DNAAF11: variants seen among roughly 807,000 people sequenced by gnomAD.
DNAAF11 encodes the protein dynein axonemal assembly factor 11, also known as leucine rich repeat containing 6.
Under a neutral mutation model 60.8 loss-of-function variants are expected in DNAAF11, and 45 were observed. That is an observed-to-expected ratio of 0.74 (90% CI 0.58 to 0.95). DNAAF11 has a LOEUF of 0.95. DNAAF11 is among the 40% of genes least tolerant of loss of function. The pLI, the probability that DNAAF11 is intolerant of heterozygous loss-of-function variation, is 0.00. For missense variants in DNAAF11, 546 were observed against 546.2 expected (o/e 1.00, Z 0.00); for synonymous variants, 191 against 183.5 (o/e 1.04, Z -0.33).
At chr8:132,685,119 A>G in the DNAAF11 span, 1 of 152,246 alleles carries the variant, frequency 6.6e-6, no homozygotes, top group African/African-American at 2.4e-5. Context: ...AAGAAATTAT[A>G]ACAGAAAAAA....
intron 11 of DNAAF11, among the ~76,000 whole-genome samples, chr8:132,575,748 G>A (rs926807463): frequency 6.6e-5 from 10 of 152,216 alleles, no homozygotes; most frequent in Admixed American, 1.3e-4. Context: ...ACTGACAAAA[G>A]GTAAGAAAAC....
chr8:132,585,493 C>A lies in DNAAF11; in HGVS notation c.1141-1714G>T, dbSNP rs539295767. 2.2e-4 allele frequency among the ~76,000 whole-genome samples: 33 copies of A among 152,188 alleles called. No individual in the cohort carries two copies. The South Asian group carries it at 5.8e-3, about 27-fold the overall frequency. The stretch of plus-strand genomic sequence containing the variant: ...AACACTAGACTGGGGGAAAATAATA[C>A]CCTTAATGTCACAAGTGGACGGCAA... On this transcript the variant is annotated intron_variant, in intron 10 of 11. Transcript: ENST00000620350.
the DNAAF11 span, among the ~76,000 whole-genome samples, chr8:132,693,669 C>T: frequency 0.29 from 44,529 of 151,646 alleles, 6,803 homozygotes; most frequent in East Asian, 0.38. Flanking sequence ...TGGGGGAAAG[C>T]AAGCAGAGGA....
chr8:132,644,435 G>A (rs1161064389), intron 3 of DNAAF11, among the ~76,000 whole-genome samples: 1 of 152,126 alleles, frequency 6.6e-6, no homozygotes, highest in South Asian at 2.1e-4. Context: ...CAGAAGACAG[G>A]TGATTTCTGC....
chr8:132,635,554 TG>T (rs1821211898), intron 4 of DNAAF11, among the ~76,000 whole-genome samples: 2 of 152,190 alleles, frequency 1.3e-5, no homozygotes, highest in African/African-American at 4.8e-5. Flanking sequence ...TGAAAAGGGC[TG>T]ACTCTCCTCA....
intron 1 of DNAAF11, among the ~76,000 whole-genome samples, chr8:132,667,610 G>A (rs1381662593): frequency 6.6e-6 from 1 of 152,170 alleles, no homozygotes; most frequent in African/African-American, 2.4e-5. Context: ...GCAGATGGTT[G>A]AGTGCTAACC....
intron 3 of DNAAF11, among the ~76,000 whole-genome samples, chr8:132,644,507 C>T (rs1015422779): frequency 3.3e-5 from 5 of 151,974 alleles, no homozygotes; most frequent in South Asian, 2.1e-4. Flanking sequence ...GTGCAGCTCA[C>T]GGAGGATTAG....
chr8:132,615,834 C>T (rs1357957472), intron 7 of DNAAF11, among the ~76,000 whole-genome samples: 1 of 152,164 alleles, frequency 6.6e-6, no homozygotes, highest in Non-Finnish European at 1.5e-5. Context: ...ATTTCAGTTA[C>T]TGTATTACTC....
rs1233168948 is a variant in DNAAF11, at chr8:132,583,872, C to T, written c.1141-93G>A. ...ATATGTATTTTAAAAGATACTAAAA[C>T]ATTTTAATTTTTTCTCTACATATTC... On this transcript the variant is annotated intron_variant, in intron 10 of 11. Transcript: ENST00000620350. 4.6e-6 allele frequency: 4 copies of T among 862,036 alleles called. No homozygotes were observed. The East Asian group carries it at 1.1e-4, about 23-fold the overall frequency. 53.4% of individuals were successfully genotyped at this position (862,036 alleles called of 1,614,324 possible).
In DNAAF11 at chr8:132,572,428, C is replaced by T. The variant is rs1283409304; in HGVS notation, c.1279G>A (p.Asp427Asn). 2.5e-6 allele frequency: 4 copies of T among 1,612,906 alleles called. No homozygotes were observed. Among genetic ancestry groups the T allele is most frequent in the Non-Finnish European group, 3.4e-6 (4 of 1,179,392 alleles). The change falls in exon 12 of 12, where the codon GAT (aspartate) becomes AAT (asparagine). Residue 427 changes from aspartate to asparagine, a missense_variant. Transcript: ENST00000620350. ...EVDPSKHSFP[D>N]VTNIVQEKKH... ...TTCTCTTGAACTATGTTAGTCACAT[C>T]AGGGAATGAGTGCTTGCTAGGGTCT...
intron 2 of DNAAF11, among the ~76,000 whole-genome samples, chr8:132,659,224 T>A (rs908503417): frequency 5.3e-5 from 8 of 152,182 alleles, no homozygotes; most frequent in African/African-American, 1.9e-4. Context: ...TGTCTTCCCA[T>A]GGGCAACAGG....
At chr8:132,668,642 C>A (rs1229337966) in intron 1 of DNAAF11, among the ~76,000 whole-genome samples, 1 of 151,994 alleles carries the variant, frequency 6.6e-6, no homozygotes, top group Non-Finnish European at 1.5e-5. Flanking sequence ...CGGGGTTTCA[C>A]CGTGTTAGCC....
chr8:132,650,468 G>A (rs943403535), intron 3 of DNAAF11, among the ~76,000 whole-genome samples: 1 of 152,098 alleles, frequency 6.6e-6, no homozygotes, highest in Non-Finnish European at 1.5e-5. Flanking sequence ...GTATACATAT[G>A]TAACAAACCT....
In DNAAF11 at chr8:132,633,021, C is replaced by T. The variant is rs1433029846; in HGVS notation, c.430-58G>A. The T allele has an allele frequency of 2.6e-5, 30 of 1,175,234 alleles. No homozygotes were observed. The East Asian group carries it at 7.2e-4, about 28-fold the overall frequency. The allele number at this position is 1,175,234 out of a possible 1,614,324, so 72.8% of individuals were successfully genotyped here. ...TTCAAAAGTAGCAGTGTGAATCAGC[C>T]CCAGGTTGATTTTGATTAGAAATAA... On this transcript the variant is annotated intron_variant, in intron 4 of 11. Transcript: ENST00000620350.
At chr8:132,597,687 A>C (rs1817165218) in intron 10 of DNAAF11, among the ~76,000 whole-genome samples, 1 of 152,182 alleles carries the variant, frequency 6.6e-6, no homozygotes, top group Admixed American at 6.5e-5. Flanking sequence ...TATAACCTTG[A>C]AGAAAACAAT....
At chr8:132,644,600 C>A (rs1381508845) in intron 3 of DNAAF11, among the ~76,000 whole-genome samples, 1 of 152,082 alleles carries the variant, frequency 6.6e-6, no homozygotes, top group African/African-American at 2.4e-5. Context: ...AAGCCATGAC[C>A]AATGGTACCT....
rs765310271 is a variant in DNAAF11 at position 132,610,189 on chromosome 8, G to A, written c.1117C>T (p.His373Tyr). ...ACCTTGGGCATGCAGATGACCAAATGACCCGTTGTCTGAGATCTTTTAGCA... is the reference window on the plus strand; with the variant it reads ...ACCTTGGGCATGCAGATGACCAAATAACCCGTTGTCTGAGATCTTTTAGCA... ...SSAKRSQTTG[H>Y]LVICMPKVGE... Residue 373 changes from histidine to tyrosine, a missense_variant, in exon 10 of 12, where the codon CAT becomes TAT. By Grantham distance (83) the His-to-Tyr change is moderately conservative. Coordinates refer to ENST00000620350, the MANE Select transcript of DNAAF11 (RefSeq NM_012472.6). 3.1e-6 allele frequency: 5 copies of A among 1,613,754 alleles called. No individual in the cohort carries two copies. The East Asian group carries it at 1.1e-4, about 36-fold the overall frequency.
At chr8:132,573,183 TG>T (rs1481899253) in intron 11 of DNAAF11, among the ~76,000 whole-genome samples, 2 of 152,212 alleles carry the variant, frequency 1.3e-5, no homozygotes, top group African/African-American at 4.8e-5. Context: ...CCCGCAATTT[TG>T]ATTCAATAAG....
At chr8:132,647,952 C>A (rs1486207693) in intron 3 of DNAAF11, among the ~76,000 whole-genome samples, 1 of 152,190 alleles carries the variant, frequency 6.6e-6, no homozygotes, top group East Asian at 1.9e-4. Flanking sequence ...TGGTACCATT[C>A]CTTCTGAAAC....
Sources: gnomAD v4.1 joint callset for allele counts (sites outside exome capture counted in the v4.1 genomes callset) on GRCh38, gnomAD v4.1.1 for gene constraint, MANE v1.5 for transcripts, NCBI Gene and HGNC (gene_info 2026-07-23, HGNC 2026-07-21) for gene names.